The following PTPRG variants were observed in gnomAD, a reference collection of about 807,000 sequenced individuals.
PTPRG encodes the protein receptor-type tyrosine-protein phosphatase gamma.
In PTPRG, 102 loss-of-function variants were observed where a neutral mutation model predicts 165.3. That is an observed-to-expected ratio of 0.62 (90% CI 0.53 to 0.73). The LOEUF (loss-of-function observed/expected upper bound fraction) is 0.73, where lower values mean the gene tolerates loss of function less well. Among genes scored for constraint, PTPRG ranks in the 30% least tolerant of loss-of-function variants. The pLI, the probability that PTPRG is intolerant of heterozygous loss-of-function variation, is 0.00. For synonymous variants in PTPRG, 675 were observed against 669.5 expected, an observed-to-expected ratio of 1.01 and a Z score of -0.13; for missense variants, 1,866 against 1,861.4, an observed-to-expected ratio of 1.00 and a Z score of -0.05.
chr3:62,135,463 G>A (rs1401050236), intron 6 of PTPRG, among the ~76,000 whole-genome samples: 1 of 152,042 alleles, frequency 6.6e-6, no homozygotes, highest in East Asian at 1.9e-4. Context: ...GATTTCTGTT[G>A]CAGTTCAGAA....
intron 16 of PTPRG, among the ~76,000 whole-genome samples, chr3:62,256,304 C>CA (rs1701534590): frequency 1.3e-5 from 2 of 152,074 alleles, no homozygotes; most frequent in Non-Finnish European, 2.9e-5. Flanking sequence ...CCTGTCTATG[C>CA]AAATTTAGAA....
chr3:62,064,864 C>T (rs349175), intron 4 of PTPRG, among the ~76,000 whole-genome samples: 109,819 of 151,432 alleles, frequency 0.73, 40,275 homozygotes, highest in African/African-American at 0.81. Context: ...TCCCGAGTAG[C>T]GTGATTACAG....
chr3:61,905,018 T>C (rs188472275), intron 2 of PTPRG, among the ~76,000 whole-genome samples: 25 of 152,140 alleles, frequency 1.6e-4, no homozygotes, highest in Non-Finnish European at 2.9e-4. Context: ...AGGCTTTTTT[T>C]CCCCCAGTCC....
At chr3:61,854,326 C>T (rs534162508) in intron 2 of PTPRG, among the ~76,000 whole-genome samples, 5 of 152,228 alleles carry the variant, frequency 3.3e-5, no homozygotes, top group Admixed American at 1.3e-4. Flanking sequence ...CATTGAGCCT[C>T]GGTTTCTTAT....
At chr3:61,863,731 C>G (rs1229736033) in intron 2 of PTPRG, among the ~76,000 whole-genome samples, 1 of 152,204 alleles carries the variant, frequency 6.6e-6, no homozygotes, top group Admixed American at 6.5e-5. Flanking sequence ...CCTTGGGTGA[C>G]TTCAGTGTGT....
chr3:62,293,581 A>T lies in PTPRG; in HGVS notation c.*274A>T. The T allele has an allele frequency of 3.7e-6, 1 of 268,314 alleles. No homozygotes were observed. The highest frequency in any genetic ancestry group is 5.2e-5 in the Admixed American group (1 of 19,192). The allele number at this position is 268,314 out of a possible 1,614,324, so 16.6% of individuals were successfully genotyped here. A position where few individuals can be genotyped will look rare whatever the true frequency, so the allele number is the denominator to read the frequency against. Reference sequence around the variant, plus strand: ...TAATCTTATACAACAGCAAACCCTGATGTGACATTCCATGACGACATACAT... The same window carrying T: ...TAATCTTATACAACAGCAAACCCTGTTGTGACATTCCATGACGACATACAT... On this transcript the variant is annotated 3_prime_UTR_variant, in exon 30 of 30. Transcript: ENST00000474889.
chr3:61,839,727 A>G (rs1188090180), intron 2 of PTPRG, among the ~76,000 whole-genome samples: 2 of 152,258 alleles, frequency 1.3e-5, no homozygotes, highest in Non-Finnish European at 2.9e-5. Context: ...TTAGAGAAAT[A>G]AAATCGCAAT....
At chr3:61,880,533 A>G (rs868507835) in intron 2 of PTPRG, among the ~76,000 whole-genome samples, 1 of 147,156 alleles carries the variant, frequency 6.8e-6, no homozygotes, top group African/African-American at 2.5e-5. Context: ...CTGAGGAAGG[A>G]GGATTGCTTG....
intron 1 of PTPRG, among the ~76,000 whole-genome samples, chr3:61,568,864 C>T (rs1699990106): frequency 6.6e-6 from 1 of 150,722 alleles, no homozygotes; most frequent in Admixed American, 6.6e-5. Flanking sequence ...GTTGAGATTG[C>T]ACCACTGCAC....
chr3:62,130,048 A>G (rs1703455588), intron 5 of PTPRG, among the ~76,000 whole-genome samples: 1 of 152,212 alleles, frequency 6.6e-6, no homozygotes, highest in Admixed American at 6.5e-5. Context: ...GTACCAAATG[A>G]TTCCAGTTAG....
intron 3 of PTPRG, 101 bp downstream of exon 3, chr3:61,989,905 A>T: frequency 3.0e-6 from 4 of 1,314,674 alleles, no homozygotes; most frequent in Non-Finnish European, 3.1e-6. Flanking sequence ...AATAGTGCAC[A>T]TTGCTGTGGG....
chr3:61,813,839 A>G (rs984389693), intron 2 of PTPRG, among the ~76,000 whole-genome samples: 5 of 150,568 alleles, frequency 3.3e-5, no homozygotes, highest in Middle Eastern at 7.2e-3. Context: ...GCTGTAATAC[A>G]TGCTTTTCAC....
intron 4 of PTPRG, among the ~76,000 whole-genome samples, chr3:62,072,044 C>T (rs191077949): frequency 6.6e-6 from 1 of 152,322 alleles, no homozygotes; most frequent in African/African-American, 2.4e-5. Context: ...CAGACATATA[C>T]ACATTTGTAA....
intron 10 of PTPRG, among the ~76,000 whole-genome samples, chr3:62,196,842 A>C (rs1699976151): frequency 6.6e-6 from 1 of 152,204 alleles, no homozygotes; most frequent in Admixed American, 6.5e-5. Flanking sequence ...AAGTGCTAGA[A>C]TTTTGCATAC....
intron 1 of PTPRG, among the ~76,000 whole-genome samples, chr3:61,635,960 T>C (rs376452074): frequency 2.0e-5 from 3 of 152,210 alleles, no homozygotes; most frequent in South Asian, 2.1e-4. Flanking sequence ...AAATTAGTAG[T>C]GTTCTTGACC....
intron 2 of PTPRG, among the ~76,000 whole-genome samples, chr3:61,856,631 A>G (rs1261248395): frequency 6.6e-6 from 1 of 152,204 alleles, no homozygotes; most frequent in Non-Finnish European, 1.5e-5. Flanking sequence ...ACTATAGTGT[A>G]CACATCCCTC....
chr3:61,626,175 G>A (rs1392616928), intron 1 of PTPRG, among the ~76,000 whole-genome samples: 1 of 152,134 alleles, frequency 6.6e-6, no homozygotes, highest in Non-Finnish European at 1.5e-5. Flanking sequence ...TTGCTTCGTA[G>A]ATGAATTACT....
At chr3:61,608,812 T>C (rs1278228692) in intron 1 of PTPRG, among the ~76,000 whole-genome samples, 1 of 152,234 alleles carries the variant, frequency 6.6e-6, no homozygotes, top group Non-Finnish European at 1.5e-5. Context: ...CAGGCTAAGC[T>C]GCCACTAATT....
chr3:62,146,033 C>T (rs1410119699), intron 6 of PTPRG, among the ~76,000 whole-genome samples: 1 of 152,182 alleles, frequency 6.6e-6, no homozygotes, highest in Non-Finnish European at 1.5e-5. Flanking sequence ...AGAATGTACA[C>T]GTCGTGTCAG....
Sources: gnomAD v4.1 joint callset for allele counts (sites outside exome capture counted in the v4.1 genomes callset) on GRCh38, gnomAD v4.1.1 for gene constraint, MANE v1.5 for transcripts, NCBI Gene and HGNC (gene_info 2026-07-23, HGNC 2026-07-21) for gene names.